Variants in BZW2 observed in about 807,000 individuals in gnomAD.
BZW2 encodes basic leucine zipper and W2 domains 2.
In BZW2, 23 loss-of-function variants were observed where a neutral mutation model predicts 53.2. The observed-to-expected ratio is 0.43, with a 90% CI of 0.31 to 0.61. BZW2 has a LOEUF of 0.61. BZW2 is among the 20% of genes least tolerant of loss of function. The pLI is 0.09. For missense variants in BZW2, 409 were observed against 503.1 expected (o/e 0.81, Z 1.79); for synonymous variants, 227 against 186.4 (o/e 1.22, Z -1.77).
chr7:16,650,439 G>C (rs952420714), intron 1 of BZW2, among the ~76,000 whole-genome samples: 7 of 152,168 alleles, frequency 4.6e-5, no homozygotes, highest in African/African-American at 1.2e-4. Flanking sequence ...AGCAATGTCA[G>C]CACTGATAGG....
At chr7:16,660,410 A>T (rs1782224711) in intron 1 of BZW2, among the ~76,000 whole-genome samples, 1 of 151,654 alleles carries the variant, frequency 6.6e-6, no homozygotes, top group African/African-American at 2.4e-5. Context: ...TAAAAAAAAA[A>T]AAAAAAAGGT....
intron 1 of BZW2, among the ~76,000 whole-genome samples, chr7:16,658,102 G>T (rs1284774701): frequency 1.3e-5 from 2 of 152,146 alleles, no homozygotes; most frequent in African/African-American, 4.8e-5. Flanking sequence ...GCTAGCCCTT[G>T]GGGGAAGGGC....
chr7:16,668,061 AG>A (rs1421167336), intron 2 of BZW2, among the ~76,000 whole-genome samples: 1 of 152,258 alleles, frequency 6.6e-6, no homozygotes, highest in African/African-American at 2.4e-5. Flanking sequence ...TGTGGAGCCT[AG>A]TAATGTGATA....
chr7:16,683,031 A>G (rs1441689206), intron 5 of BZW2, among the ~76,000 whole-genome samples, 186 bp downstream of exon 5: 1 of 151,990 alleles, frequency 6.6e-6, no homozygotes, highest in Non-Finnish European at 1.5e-5. Flanking sequence ...CCCTGTCTCT[A>G]CTAAAAACAC....
At chr7:16,702,492 CTT>C (rs1192934685) in intron 10 of BZW2, among the ~76,000 whole-genome samples, 2 of 152,110 alleles carry the variant, frequency 1.3e-5, no homozygotes, top group Non-Finnish European at 2.9e-5. Flanking sequence ...TTAATGGTAA[CTT>C]AAGAATATCA....
At chr7:16,705,543 G>A (rs941539756) in intron 11 of BZW2, among the ~76,000 whole-genome samples, 1 of 151,034 alleles carries the variant, frequency 6.6e-6, no homozygotes, top group Admixed American at 6.6e-5. Flanking sequence ...AAATTAGCCG[G>A]GCATGGTGGT....
At position 16,684,340 on chromosome 7, in the gene BZW2, A is replaced by G. The variant is rs140921679; in HGVS notation, c.405+1495A>G. The stretch of plus-strand genomic sequence containing the variant: ...GTATTAATACACATAAAGGGATCAG[A>G]AGAGTGTCTGGTCCACTCAACAAGT... On this transcript the variant is annotated intron_variant, in intron 5 of 11. Coordinates refer to ENST00000258761, the MANE Select transcript of BZW2 (RefSeq NM_014038.3). 6.2e-3 allele frequency among the ~76,000 whole-genome samples: 944 copies of G among 152,342 alleles called. 12 individuals carry two copies. The highest frequency in any genetic ancestry group is 0.021 in the African/African-American group (883 of 41,578).
At chr7:16,664,819 A>G (rs1782371292) in intron 1 of BZW2, among the ~76,000 whole-genome samples, 1 of 152,090 alleles carries the variant, frequency 6.6e-6, no homozygotes, top group Admixed American at 6.5e-5. Flanking sequence ...CTGGTAGAGT[A>G]CTGCTGGACC....
intron 2 of BZW2, 123 bp downstream of exon 2, chr7:16,665,624 G>A (rs1255265013): frequency 2.7e-5 from 40 of 1,482,934 alleles, no homozygotes; most frequent in Non-Finnish European, 8.2e-6. Context: ...AGCTCTGAGT[G>A]TAGAATCTGA....
intron 7 of BZW2, among the ~76,000 whole-genome samples, chr7:16,693,654 A>G (rs972708290): frequency 6.6e-6 from 1 of 152,254 alleles, no homozygotes; most frequent in Non-Finnish European, 1.5e-5. Flanking sequence ...TTTGATTCAT[A>G]GAAGAAACTC....
intron 2 of BZW2, among the ~76,000 whole-genome samples, chr7:16,672,506 C>A (rs182732932): frequency 3.9e-5 from 6 of 152,272 alleles, no homozygotes; most frequent in Admixed American, 3.9e-4. Flanking sequence ...CCTCCCACTT[C>A]TGTTGCAGTA....
At chr7:16,703,867 G>A (rs1318693693) in intron 10 of BZW2, among the ~76,000 whole-genome samples, 1 of 152,152 alleles carries the variant, frequency 6.6e-6, no homozygotes, top group Non-Finnish European at 1.5e-5. Flanking sequence ...TTAGAAACCT[G>A]TAGGAAATTA....
Position 16,694,995 on chromosome 7 carries a change from G to A in BZW2, c.813G>A (p.Pro271=), listed in dbSNP as rs575746592. The A allele has an allele frequency of 3.3e-4, 521 of 1,574,348 alleles. 7 individuals carry two copies. The South Asian group carries it at 5.2e-3, about 16-fold the overall frequency. The part of the protein sequence containing the change: ...ELQERLSQEC[P]IKEVVLYVKE... ...AGGAGCGTCTTTCTCAGGAATGCCC[G>A]ATCAAGGAGGTGGGAGACCACGGGC... Residue 271 remains proline (P), a synonymous_variant, in exon 8 of 12, where the codon CCG becomes CCA. Coordinates refer to ENST00000258761, the MANE Select transcript of BZW2 (RefSeq NM_014038.3).
intron 1 of BZW2, among the ~76,000 whole-genome samples, chr7:16,654,109 A>AAAAG (rs1782059328): frequency 9.3e-6 from 1 of 107,952 alleles, no homozygotes; most frequent in Non-Finnish European, 1.9e-5. Flanking sequence ...AAAAAAAAAA[A>AAAAG]AATACAAAAA....
intron 2 of BZW2, among the ~76,000 whole-genome samples, chr7:16,670,054 A>C (rs1204944655): frequency 6.6e-6 from 1 of 152,190 alleles, no homozygotes; most frequent in African/African-American, 2.4e-5. Flanking sequence ...CCATTTTCTT[A>C]TATGGGAATT....
chr7:16,657,631 G>T (rs1017179584), intron 1 of BZW2, among the ~76,000 whole-genome samples: 1 of 151,990 alleles, frequency 6.6e-6, no homozygotes, highest in African/African-American at 2.4e-5. Context: ...CATGTATTTT[G>T]TACATTCTAA....
chr7:16,688,566 G>A (rs1783203328), intron 6 of BZW2: 1 of 152,164 alleles, frequency 6.6e-6, no homozygotes, highest in Non-Finnish European at 1.5e-5. Context: ...ACCTGGACTG[G>A]ATAAAAGGGG....
intron 10 of BZW2, among the ~76,000 whole-genome samples, chr7:16,701,346 A>G (rs1045542627): frequency 6.6e-6 from 1 of 152,106 alleles, no homozygotes; most frequent in African/African-American, 2.4e-5. Flanking sequence ...AAGTACTGTT[A>G]TTATCTCTAT....
intron 8 of BZW2, chr7:16,696,070 T>G (rs1360601399): frequency 1.3e-5 from 2 of 152,078 alleles, no homozygotes; most frequent in Non-Finnish European, 1.5e-5. Context: ...CTCAAGTCAC[T>G]GCTGGCATTT....
Sources: gnomAD v4.1 joint callset for allele counts (sites outside exome capture counted in the v4.1 genomes callset) on GRCh38, gnomAD v4.1.1 for gene constraint, MANE v1.5 for transcripts, NCBI Gene and HGNC (gene_info 2026-07-23, HGNC 2026-07-21) for gene names.